Variants in SHC4 observed in about 807,000 individuals in gnomAD.
SHC4 encodes SHC adaptor protein 4.
SHC4 carries 41 observed loss-of-function variants against 69.4 expected under a neutral mutation model. That is an observed-to-expected ratio of 0.59 (90% CI 0.46 to 0.77). SHC4 has a LOEUF of 0.77. SHC4 is among the 30% of genes least tolerant of loss of function. The pLI is 0.00. For missense variants in SHC4, 777 were observed against 783.8 expected, an observed-to-expected ratio of 0.99 and a Z score of 0.10; for synonymous variants, 318 against 299.3, an observed-to-expected ratio of 1.06 and a Z score of -0.64.
intron 1 of SHC4, among the ~76,000 whole-genome samples, chr15:48,944,895 C>T (rs528722276): frequency 2.1e-4 from 32 of 152,316 alleles, no homozygotes; most frequent in South Asian, 6.2e-4. Flanking sequence ...TATACAATAA[C>T]ACCTTACTGA....
At chr15:48,853,682 C>T (rs2140981154) in intron 8 of SHC4, among the ~76,000 whole-genome samples, 1 of 152,272 alleles carries the variant, frequency 6.6e-6, no homozygotes, top group East Asian at 1.9e-4. Context: ...AGAAATAAAG[C>T]TGCACACCTG....
At chr15:48,950,023 A>G (rs1901340890) in intron 1 of SHC4, among the ~76,000 whole-genome samples, 1 of 142,530 alleles carries the variant, frequency 7.0e-6, no homozygotes, top group South Asian at 2.1e-4. Flanking sequence ...ATTTATTATT[A>G]ATAAATAATA....
At chr15:48,829,674 C>A (rs942663585) in intron 11 of SHC4, among the ~76,000 whole-genome samples, 2 of 152,174 alleles carry the variant, frequency 1.3e-5, no homozygotes, top group African/African-American at 4.8e-5. Flanking sequence ...AATCCCAACA[C>A]TTTGGGAGGC....
intron 10 of SHC4, among the ~76,000 whole-genome samples, chr15:48,835,407 G>A (rs147980045): frequency 6.6e-6 from 1 of 152,298 alleles, no homozygotes; most frequent in Non-Finnish European, 1.5e-5. Flanking sequence ...TTTCTACAAT[G>A]TTTCCAAACA....
At chr15:48,865,952 C>T (rs1304709757) in intron 6 of SHC4, among the ~76,000 whole-genome samples, 8 of 152,222 alleles carry the variant, frequency 5.3e-5, no homozygotes. Context: ...GTGGATCCTT[C>T]TTGGCCATTA....
chr15:48,864,183 G>A (rs545367452), intron 6 of SHC4, among the ~76,000 whole-genome samples: 1 of 152,188 alleles, frequency 6.6e-6, no homozygotes, highest in South Asian at 2.1e-4. Context: ...CTATAAGCCA[G>A]GTATTGAAAT....
At chr15:48,872,266 C>T in intron 4 of SHC4, 124 bp from the exon 5 acceptor site, 5 of 561,178 alleles carry the variant, frequency 8.9e-6, no homozygotes, top group Non-Finnish European at 1.6e-5. Context: ...CTTTGAAAAC[C>T]ACCCAACCTA....
Position 48,834,938 on chromosome 15 carries a change from C to T in SHC4, c.1568G>A (p.Ser523Asn), listed in dbSNP as rs1339663285. 6.2e-7 allele frequency: 1 copy of T among 1,613,856 alleles called. No individual in the cohort carries two copies. The highest frequency in any genetic ancestry group is 1.7e-5 in the Admixed American group (1 of 59,966). The change falls in exon 11 of 12, where the codon AGC becomes AAC. Residue 523 changes from serine (S) to asparagine (N), a missense_variant. Ser to Asn is a conservative substitution (Grantham distance 46, BLOSUM62 1). Transcript: ENST00000332408. ...SLPHIKQQLW[S>N]EECYHGKLSR... ...CAGCTTGCCATGATAGCATTCTTCG[C>T]TCCACAGCTGCTGCTTAATGTGTGG...
intron 2 of SHC4, among the ~76,000 whole-genome samples, chr15:48,920,646 T>G (rs1900735506): frequency 6.6e-6 from 1 of 152,194 alleles, no homozygotes. Flanking sequence ...ACAAATAGAC[T>G]GCAGAGCCAT....
At chr15:48,884,484 A>G in intron 3 of SHC4, 117 bp from the exon 4 acceptor site, 7 of 866,322 alleles carry the variant, frequency 8.1e-6, no homozygotes, top group South Asian at 2.9e-5. Flanking sequence ...TCTCTATTTT[A>G]CTTTATGTAA....
intron 1 of SHC4, among the ~76,000 whole-genome samples, chr15:48,945,454 G>A (rs1249605350): frequency 6.6e-6 from 1 of 152,154 alleles, no homozygotes; most frequent in East Asian, 1.9e-4. Flanking sequence ...TAGCCCAAAA[G>A]TAGAGACAAC....
chr15:48,827,458 C>G (rs1898710192), intron 11 of SHC4, among the ~76,000 whole-genome samples: 1 of 152,204 alleles, frequency 6.6e-6, no homozygotes, highest in Non-Finnish European at 1.5e-5. Flanking sequence ...TTCAACTCCT[C>G]CATCTCATTC....
intron 3 of SHC4, among the ~76,000 whole-genome samples, chr15:48,889,706 T>G (rs1013005335): frequency 6.6e-6 from 1 of 152,020 alleles, no homozygotes; most frequent in South Asian, 2.1e-4. Context: ...TAGCCGGGTG[T>G]GGTGGCGGGC....
At chr15:48,846,901 C>A (rs1354659710) in intron 9 of SHC4, among the ~76,000 whole-genome samples, 1 of 152,096 alleles carries the variant, frequency 6.6e-6, no homozygotes, top group Non-Finnish European at 1.5e-5. Flanking sequence ...ATCAATTTTA[C>A]CATCCCGTAG....
chr15:48,851,538 A>G (rs971917326), intron 8 of SHC4, among the ~76,000 whole-genome samples: 1 of 152,156 alleles, frequency 6.6e-6, no homozygotes, highest in African/African-American at 2.4e-5. Context: ...GTCACATGCC[A>G]GAACTCAATC....
chr15:48,853,087 T>C (rs1010781332), intron 8 of SHC4, among the ~76,000 whole-genome samples: 2 of 151,924 alleles, frequency 1.3e-5, no homozygotes, highest in Non-Finnish European at 2.9e-5. Context: ...TAGAAAACAC[T>C]AGACTCTGCC....
intron 1 of SHC4, among the ~76,000 whole-genome samples, chr15:48,935,121 A>C (rs919863306): frequency 1.3e-5 from 2 of 152,236 alleles, no homozygotes; most frequent in African/African-American, 4.8e-5. Context: ...CAACAACAAC[A>C]AAAGGAATCC....
intron 4 of SHC4, chr15:48,879,111 A>G (rs1899890097): frequency 5.3e-6 from 1 of 190,380 alleles, no homozygotes; most frequent in South Asian, 1.3e-4. Flanking sequence ...TGCCAATACA[A>G]AAGCCCACTG....
intron 10 of SHC4, among the ~76,000 whole-genome samples, chr15:48,836,535 C>G (rs1595726568): frequency 2.0e-5 from 3 of 152,040 alleles, no homozygotes; most frequent in Non-Finnish European, 4.4e-5. Context: ...ACCATAGAAA[C>G]TAGACTTTGT....
Sources: allele counts gnomAD v4.1 joint callset (sites outside exome capture counted in the v4.1 genomes callset), GRCh38; gene constraint gnomAD v4.1.1; transcripts MANE v1.5; gene names NCBI Gene and HGNC (gene_info 2026-07-23, HGNC 2026-07-21).